Variants in MSRB3 observed in about 807,000 individuals in gnomAD.
MSRB3 encodes the protein methionine-R-sulfoxide reductase B3.
MSRB3 carries 13 observed loss-of-function variants against 21.0 expected under a neutral mutation model. The observed-to-expected ratio is 0.62, with a 90% CI of 0.40 to 0.98. The LOEUF is 0.98. MSRB3 is among the 50% of genes least tolerant of loss of function. The probability of loss-of-function intolerance (pLI) is 0.00; values close to 1 mark genes in which losing one functional copy is unlikely to be tolerated. For missense variants in MSRB3, 199 were observed against 230.3 expected (o/e 0.86, Z 0.88); for synonymous variants, 87 against 88.6 (o/e 0.98, Z 0.10).
intron 5 of MSRB3, among the ~76,000 whole-genome samples, chr12:65,405,201 C>T (rs183421060): frequency 6.6e-6 from 1 of 152,186 alleles, no homozygotes; most frequent in Admixed American, 6.5e-5. Flanking sequence ...ATCTGCCTGC[C>T]TCAGCCTCCC....
At chr12:65,377,962 T>A (rs921667023) in intron 5 of MSRB3, among the ~76,000 whole-genome samples, 4 of 152,220 alleles carry the variant, frequency 2.6e-5, no homozygotes, top group African/African-American at 9.6e-5. Context: ...TTTGGATCCA[T>A]ACATCATACT....
intron 5 of MSRB3, among the ~76,000 whole-genome samples, chr12:65,382,309 C>A (rs1302190243): frequency 2.6e-5 from 4 of 151,570 alleles, no homozygotes; most frequent in Non-Finnish European, 5.9e-5. Flanking sequence ...AAAATAGTAA[C>A]CCTCAGGTCC....
chr12:65,433,575 C>T (rs1881982558), intron 5 of MSRB3, among the ~76,000 whole-genome samples: 1 of 151,856 alleles, frequency 6.6e-6, no homozygotes, highest in African/African-American at 2.4e-5. Flanking sequence ...TGGGAATTAT[C>T]ACTCTGGCCT....
chr12:65,301,837 TCAACCAAAA>T (rs896383053), intron 1 of MSRB3, among the ~76,000 whole-genome samples: 1 of 152,176 alleles, frequency 6.6e-6, no homozygotes, highest in Non-Finnish European at 1.5e-5. Flanking sequence ...CGTATGTACT[TCAACCAAAA>T]CAACGTATCA....
chr12:65,390,025 G>C (rs868847198), intron 5 of MSRB3, among the ~76,000 whole-genome samples: 1 of 152,074 alleles, frequency 6.6e-6, no homozygotes, highest in African/African-American at 2.4e-5. Flanking sequence ...TATGAAGCTT[G>C]AGCTTTTCTT....
chr12:65,436,253 C>G (rs1284436185), intron 5 of MSRB3, among the ~76,000 whole-genome samples: 1 of 151,706 alleles, frequency 6.6e-6, no homozygotes, highest in Non-Finnish European at 1.5e-5. Context: ...CAATAGAAAC[C>G]ACAAATGTTT....
intron 2 of MSRB3, among the ~76,000 whole-genome samples, chr12:65,325,941 G>A (rs1874998669): frequency 1.3e-5 from 2 of 152,074 alleles, no homozygotes; most frequent in Non-Finnish European, 1.5e-5. Context: ...AGGCTGTATA[G>A]GTTGAAATAA....
rs537594204 is a variant in MSRB3, at chr12:65,368,933, C to A, written c.264-65C>A. The A allele has an allele frequency of 4.5e-5, 31 of 683,518 alleles. 3 individuals carry two copies. The highest frequency in any genetic ancestry group is 3.8e-4 in the East Asian group (12 of 31,918). The allele number at this position is 683,518 out of a possible 1,614,324, so 42.3% of individuals were successfully genotyped here. A position where few individuals can be genotyped will look rare whatever the true frequency, so the allele number is the denominator to read the frequency against. On this transcript the variant is annotated intron_variant, in intron 4 of 6. Transcript: ENST00000308259. Reference sequence around the variant, plus strand: ...TCCCCTCCCAACCACACCCCCCCCCCCCATGAAATAATTGTTCTTTTACAA... The same window carrying A: ...TCCCCTCCCAACCACACCCCCCCCCACCATGAAATAATTGTTCTTTTACAA...
intron 1 of MSRB3, among the ~76,000 whole-genome samples, chr12:65,293,059 A>G (rs1872749523): frequency 6.6e-6 from 1 of 152,210 alleles, no homozygotes; most frequent in Non-Finnish European, 1.5e-5. Context: ...CTTAGATACC[A>G]TAAACACATC....
At chr12:65,349,991 A>G (rs1329846264) in intron 4 of MSRB3, among the ~76,000 whole-genome samples, 3 of 151,994 alleles carry the variant, frequency 2.0e-5, no homozygotes, top group Non-Finnish European at 1.5e-5. Context: ...GCCCATGCCT[A>G]TGTCCTGAAT....
chr12:65,371,849 TTTTTTTTTA>T (rs1878347329), intron 5 of MSRB3, among the ~76,000 whole-genome samples: 2 of 151,244 alleles, frequency 1.3e-5, no homozygotes, highest in East Asian at 3.9e-4. Flanking sequence ...TGCATCTTTC[TTTTTTTTTA>T]CAAAAGCAAA....
chr12:65,400,548 T>C (rs1444208801), intron 5 of MSRB3, among the ~76,000 whole-genome samples: 1 of 152,186 alleles, frequency 6.6e-6, no homozygotes, highest in Non-Finnish European at 1.5e-5. Context: ...TGTTATTCTT[T>C]TCAAAAAACC....
intron 4 of MSRB3, chr12:65,344,329 G>C (rs997489143): frequency 6.6e-6 from 1 of 151,926 alleles, no homozygotes; most frequent in Non-Finnish European, 1.5e-5. Flanking sequence ...GGTTATTGCC[G>C]ATTGGTGTTG....
chr12:65,323,730 A>C (rs1165049427), intron 2 of MSRB3, among the ~76,000 whole-genome samples: 1 of 152,220 alleles, frequency 6.6e-6, no homozygotes, highest in East Asian at 1.9e-4. Flanking sequence ...CAGTGGCACC[A>C]TATGACTTTA....
chr12:65,296,979 A>G lies in MSRB3; in HGVS notation c.-51-11550A>G, dbSNP rs181287084. Among the ~76,000 whole-genome samples the G allele has an allele frequency of 2.8e-3, 429 of 152,360 alleles. 1 individual carries two copies. The highest frequency in any genetic ancestry group is 6.8e-3 in the Middle Eastern group (2 of 294). On this transcript the variant is annotated intron_variant, in intron 1 of 6. Coordinates refer to ENST00000308259, the MANE Select transcript of MSRB3 (RefSeq NM_001031679.3). ...ATGATTTGTAAATAATATTCTGCCC[A>G]GAAGAGATAATACCTAAACTGTGTT...
chr12:65,371,870 C>T (rs1053561585), intron 5 of MSRB3, among the ~76,000 whole-genome samples: 1 of 151,862 alleles, frequency 6.6e-6, no homozygotes, highest in Non-Finnish European at 1.5e-5. Flanking sequence ...AAAAGCAAAT[C>T]CTCAACCTCC....
chr12:65,283,430 A>G (rs1172597218), intron 1 of MSRB3, among the ~76,000 whole-genome samples: 1 of 151,652 alleles, frequency 6.6e-6, no homozygotes, highest in African/African-American at 2.4e-5. Flanking sequence ...TGAATCACCT[A>G]GAATTTTTTT....
chr12:65,282,407 A>G (rs1872081699), intron 1 of MSRB3, among the ~76,000 whole-genome samples: 1 of 152,212 alleles, frequency 6.6e-6, no homozygotes, highest in Non-Finnish European at 1.5e-5. Context: ...TATGGCTTTA[A>G]GGGAAGTACA....
intron 4 of MSRB3, among the ~76,000 whole-genome samples, chr12:65,355,915 T>C (rs1445000134): frequency 6.6e-6 from 1 of 151,934 alleles, no homozygotes; most frequent in Non-Finnish European, 1.5e-5. Flanking sequence ...AAGGGCTTTA[T>C]GGGCTGAATT....
Sources: allele counts gnomAD v4.1 joint callset (sites outside exome capture counted in the v4.1 genomes callset), GRCh38; gene constraint gnomAD v4.1.1; transcripts MANE v1.5; gene names NCBI Gene and HGNC (gene_info 2026-07-23, HGNC 2026-07-21).